The following ABCB1 variants were observed in gnomAD, a reference collection of about 807,000 sequenced individuals.
The protein encoded by ABCB1 is ATP-dependent translocase ABCB1.
A neutral mutation model predicts 142.0 loss-of-function variants in ABCB1; 69 were observed. The ratio of observed to expected loss-of-function variants is 0.49; its 90% confidence interval spans 0.40 to 0.59. The LOEUF is 0.59. Ranked by LOEUF, ABCB1 falls within the 20% of genes least tolerant of loss-of-function variation. The pLI, the probability that ABCB1 is intolerant of heterozygous loss-of-function variation, is 0.00. For missense variants in ABCB1, 1,326 were observed against 1,554.7 expected, an observed-to-expected ratio of 0.85 and a Z score of 2.47; for synonymous variants, 532 against 539.2, an observed-to-expected ratio of 0.99 and a Z score of 0.18.
At chr7:87,505,556 T>G (rs1196085856) in intron 27 of ABCB1, among the ~76,000 whole-genome samples, 3 of 152,196 alleles carry the variant, frequency 2.0e-5, no homozygotes, top group Non-Finnish European at 4.4e-5. Context: ...TCTTAAAAGG[T>G]ACAGCCAGAT....
In ABCB1 at chr7:87,626,077, CAT is replaced by C. The variant is rs372003612; in HGVS notation, c.-330-25001_-330-25000del. ...TCTCATTCTGTCGCCCAGGCTGAGA[CAT>C]ATATATATATATATATATATTGTCA... On this transcript the variant is annotated intron_variant, in intron 1 of 28. Coordinates refer to the ABCB1 transcript ENST00000265724. Among the ~76,000 whole-genome samples the C allele has an allele frequency of 5.4e-3, 451 of 84,282 alleles. 20 individuals carry two copies. Among genetic ancestry groups the C allele is most frequent in the East Asian group, 0.014 (44 of 3,098 alleles). 55.3% of individuals were successfully genotyped at this position (84,282 alleles called of 152,430 possible).
chr7:87,566,307 C>A, intron 6 of ABCB1, 66 bp from the exon 7 acceptor site: 1 of 1,517,058 alleles, frequency 6.6e-7, no homozygotes, highest in Non-Finnish European at 9.1e-7. Flanking sequence ...CTCGTGAAGC[C>A]TGTTTTGAGT....
chr7:87,661,135 G>A (rs532239237), intron 1 of ABCB1, among the ~76,000 whole-genome samples: 28 of 151,536 alleles, frequency 1.8e-4, no homozygotes, highest in Non-Finnish European at 3.1e-4. Context: ...TTAATTTTAT[G>A]GGTACATAGT....
chr7:87,696,287 A>G (rs1828485753), intron 1 of ABCB1, among the ~76,000 whole-genome samples: 1 of 152,148 alleles, frequency 6.6e-6, no homozygotes, highest in African/African-American at 2.4e-5. Flanking sequence ...AAAGGAAGTC[A>G]AAGTATTTGA....
chr7:87,570,944 T>A (rs767891818), intron 4 of ABCB1, among the ~76,000 whole-genome samples: 3 of 152,208 alleles, frequency 2.0e-5, no homozygotes, highest in Non-Finnish European at 4.4e-5. Flanking sequence ...AGTATATATA[T>A]GTGTGTATCT....
chr7:87,576,051 A>G (rs978517931), intron 4 of ABCB1, among the ~76,000 whole-genome samples: 3 of 152,180 alleles, frequency 2.0e-5, no homozygotes, highest in African/African-American at 7.2e-5. Flanking sequence ...CAGGCTAGAT[A>G]ACATCTAAGC....
intron 7 of ABCB1, among the ~76,000 whole-genome samples, chr7:87,565,082 T>C (rs1393517536): frequency 6.6e-6 from 1 of 152,232 alleles, no homozygotes; most frequent in Non-Finnish European, 1.5e-5. Context: ...ATAATACCTA[T>C]ACTTCAGAAA....
intron 8 of ABCB1, among the ~76,000 whole-genome samples, chr7:87,555,209 A>C (rs995108986): frequency 5.9e-5 from 9 of 152,178 alleles, no homozygotes; most frequent in Non-Finnish European, 1.3e-4. Context: ...ACCAAGGTAA[A>C]AGGATTAGAG....
chr7:87,536,391 A>G (rs1478067931), intron 20 of ABCB1, 67 bp downstream of exon 20: 1 of 1,426,666 alleles, frequency 7.0e-7, no homozygotes, highest in Non-Finnish European at 9.9e-7. Context: ...GTAAGGAGAA[A>G]ATTAGTTTCA....
intron 4 of ABCB1, among the ~76,000 whole-genome samples, chr7:87,584,796 T>C (rs1470745454): frequency 1.3e-5 from 2 of 152,114 alleles, no homozygotes; most frequent in Non-Finnish European, 2.9e-5. Flanking sequence ...CTGTTACTGT[T>C]TTCCTCCTCA....
At chr7:87,541,306 G>T in intron 18 of ABCB1, 51 bp downstream of exon 18, 2 of 1,193,384 alleles carry the variant, frequency 1.7e-6, no homozygotes, top group Non-Finnish European at 2.5e-6. Flanking sequence ...CCCCCCAGTT[G>T]AATAATGATG....
chr7:87,566,989 A>C lies in ABCB1; in HGVS notation c.339-13T>G. On this transcript the variant is annotated splice_polypyrimidine_tract_variant and intron_variant, in intron 5 of 27. Transcript: ENST00000622132. ...ATAATAGGCATACCTGAAAAACAAC[A>C]AGAACACTGCACATGCTCTCTGTTT... is the stretch of plus-strand genomic sequence containing the variant. 1 of 1,612,524 alleles carries C rather than the reference A, an allele frequency of 6.2e-7. No individual in the cohort carries two copies.
upstream of ABCB1, chr7:87,602,896 C>T (rs557154002): frequency 6.6e-6 from 1 of 152,352 alleles, no homozygotes; most frequent in Admixed American, 6.5e-5. Context: ...TGTGCCACCA[C>T]CACTTCTGTC....
At chr7:87,661,778 T>TA (rs1824739349) in intron 1 of ABCB1, among the ~76,000 whole-genome samples, 1 of 152,010 alleles carries the variant, frequency 6.6e-6, no homozygotes. Context: ...AGCACTGGGA[T>TA]AGCTGGATCA....
At chr7:87,699,045 TG>T (rs1481606734) in intron 1 of ABCB1, among the ~76,000 whole-genome samples, 1 of 152,120 alleles carries the variant, frequency 6.6e-6, no homozygotes, top group Non-Finnish European at 1.5e-5. Flanking sequence ...AGGCTAGACA[TG>T]AGTATTTTTT....
At chr7:87,628,944 A>C (rs772737318) in intron 1 of ABCB1, 1 of 1,309,454 alleles carries the variant, frequency 7.6e-7, no homozygotes, top group Non-Finnish European at 9.8e-7. Context: ...CACCGTGTGC[A>C]GGTACGGCAG....
chr7:87,635,419 C>T (rs1821669106), intron 1 of ABCB1, among the ~76,000 whole-genome samples: 5 of 152,086 alleles, frequency 3.3e-5, no homozygotes, highest in Admixed American at 3.3e-4. Context: ...TTAGTGCCAA[C>T]AATTTGTATT....
intron 8 of ABCB1, among the ~76,000 whole-genome samples, chr7:87,559,565 T>C (rs1401969549): frequency 2.0e-5 from 3 of 152,154 alleles, no homozygotes; most frequent in African/African-American, 7.2e-5. Context: ...CTTACCCTTA[T>C]TATTTCCTTC....
chr7:87,505,927 G>A lies in ABCB1; in HGVS notation c.3606C>T (p.Ala1202=), dbSNP rs774090590. ...CACTTTCTGTATCCAGAGCTGACGT[G>A]GCTTCATCCAAAAGCAAAATATGAG... ...RQPHILLLDE[A]TSALDTESEK... Residue 1202 remains alanine (A), a synonymous_variant, in exon 27 of 28, where the codon GCC becomes GCT. Coordinates refer to ENST00000622132, the MANE Select transcript of ABCB1 (RefSeq NM_001348946.2). The A allele has an allele frequency of 1.2e-6, 2 of 1,613,972 alleles. No individual in the cohort carries two copies. Among genetic ancestry groups the A allele is most frequent in the Non-Finnish European group, 1.7e-6 (2 of 1,180,016 alleles).
Sources: allele counts gnomAD v4.1 joint callset (sites outside exome capture counted in the v4.1 genomes callset), GRCh38; gene constraint gnomAD v4.1.1; transcripts MANE v1.5; gene names NCBI Gene and HGNC (gene_info 2026-07-23, HGNC 2026-07-21).